Variants in CEP128 observed in about 807,000 individuals in gnomAD.
CEP128 encodes centrosomal protein 128.
A neutral mutation model predicts 156.7 loss-of-function variants in CEP128; 132 were observed. That is an observed-to-expected ratio of 0.84 (90% confidence interval 0.73 to 0.97). The LOEUF (loss-of-function observed/expected upper bound fraction) is 0.97, where lower values mean the gene tolerates loss of function less well. Among genes scored for constraint, CEP128 ranks in the 50% least tolerant of loss-of-function variants. The probability of loss-of-function intolerance (pLI) is 0.00; values close to 1 mark genes in which losing one functional copy is unlikely to be tolerated. For missense variants in CEP128, 1,252 were observed against 1,281.9 expected (o/e 0.98, Z 0.36); for synonymous variants, 469 against 448.9 (o/e 1.04, Z -0.57).
chr14:80,696,087 G>A (rs1350605927), intron 19 of CEP128, among the ~76,000 whole-genome samples: 1 of 152,112 alleles, frequency 6.6e-6, no homozygotes, highest in Non-Finnish European at 1.5e-5. Flanking sequence ...AAACGCGGTA[G>A]AGGAGGTGCA....
intron 21 of CEP128, among the ~76,000 whole-genome samples, chr14:80,537,422 A>C (rs1168192788): frequency 2.6e-5 from 4 of 152,210 alleles, no homozygotes; most frequent in Non-Finnish European, 5.9e-5. Flanking sequence ...TCTTTCCCAG[A>C]GGATTCTTGA....
rs1395819519 is a variant in CEP128 at position 80,807,600 on chromosome 14, G to A, written c.1210-14490C>T. 2.6e-5 allele frequency among the ~76,000 whole-genome samples: 4 copies of A among 152,180 alleles called. 1 individual carries two copies. In the East Asian group the frequency reaches 7.7e-4, roughly 29 times the overall value. ...AAAAAGGGTAAGTGAGAGAACTTCA[G>A]CTGTTCACATTCCCACCACAAACTG... On this transcript the variant is annotated intron_variant, in intron 13 of 24. Coordinates refer to ENST00000555265, the MANE Select transcript of CEP128 (RefSeq NM_152446.5).
chr14:80,618,795 G>A (rs1000077054), intron 19 of CEP128, among the ~76,000 whole-genome samples: 1 of 152,176 alleles, frequency 6.6e-6, no homozygotes, highest in South Asian at 2.1e-4. Flanking sequence ...ATCACTTGGA[G>A]GGCCTGTTAA....
intron 20 of CEP128, among the ~76,000 whole-genome samples, chr14:80,563,412 C>G (rs1890771487): frequency 6.6e-6 from 1 of 151,390 alleles, no homozygotes; most frequent in African/African-American, 2.4e-5. Context: ...TCTAATAAAA[C>G]TTGACATTCT....
rs551603366 is a variant in CEP128, at chr14:80,589,766, T to C, written c.2807-9343A>G. Among the ~76,000 whole-genome samples, 5 of 152,218 alleles carry C rather than the reference T, an allele frequency of 3.3e-5. No homozygotes were observed. In the East Asian group the frequency reaches 9.6e-4, roughly 29 times the overall value. On this transcript the variant is annotated intron_variant, in intron 19 of 24. Coordinates refer to ENST00000555265, the MANE Select transcript of CEP128 (RefSeq NM_152446.5). Reference sequence around the variant, plus strand: ...AGTTTGGTATGTAATACCCCAAGGGTAAGAACTGTTTACCACTATATCCTC... The same window carrying C: ...AGTTTGGTATGTAATACCCCAAGGGCAAGAACTGTTTACCACTATATCCTC...
intron 19 of CEP128, among the ~76,000 whole-genome samples, chr14:80,716,364 T>C (rs888638112): frequency 2.6e-5 from 4 of 152,330 alleles, no homozygotes; most frequent in East Asian, 3.9e-4. Flanking sequence ...ACCCATCACG[T>C]TGACTCTCGT....
At chr14:80,947,824 C>T (rs1886379374) in intron 2 of CEP128, among the ~76,000 whole-genome samples, 1 of 152,172 alleles carries the variant, frequency 6.6e-6, no homozygotes, top group South Asian at 2.1e-4. Context: ...AGTGCCCGGC[C>T]TCCACTCAAG....
intron 19 of CEP128, among the ~76,000 whole-genome samples, chr14:80,634,709 T>C (rs1894110029): frequency 6.6e-6 from 1 of 152,206 alleles, no homozygotes; most frequent in Admixed American, 6.5e-5. Flanking sequence ...CACTTTTCCC[T>C]ATTCTCCTAC....
intron 9 of CEP128, among the ~76,000 whole-genome samples, chr14:80,855,869 T>C (rs1566673169): frequency 1.3e-5 from 2 of 152,072 alleles, no homozygotes. Context: ...TAGAAAAACA[T>C]CCTAGGTTTC....
intron 19 of CEP128, among the ~76,000 whole-genome samples, chr14:80,672,769 T>C (rs370771604): frequency 6.6e-6 from 1 of 152,190 alleles, no homozygotes; most frequent in Non-Finnish European, 1.5e-5. Context: ...ATAACAAATA[T>C]TTATTTTCTA....
At chr14:80,508,152 G>A (rs1338975530) in intron 23 of CEP128, among the ~76,000 whole-genome samples, 1 of 152,112 alleles carries the variant, frequency 6.6e-6, no homozygotes, top group East Asian at 1.9e-4. Context: ...CTGACCTCAG[G>A]TGATCCACCT....
chr14:80,839,092 C>A (rs535592596), intron 10 of CEP128, among the ~76,000 whole-genome samples: 8 of 152,190 alleles, frequency 5.3e-5, no homozygotes, highest in Non-Finnish European at 1.0e-4. Context: ...GAGCGAGACT[C>A]CGTCTCAAAA....
At chr14:80,677,575 A>C (rs1021086490) in intron 19 of CEP128, among the ~76,000 whole-genome samples, 1 of 151,806 alleles carries the variant, frequency 6.6e-6, no homozygotes, top group Non-Finnish European at 1.5e-5. Context: ...AATATAGTAA[A>C]GTTTAGTGGA....
intron 13 of CEP128, among the ~76,000 whole-genome samples, chr14:80,803,379 G>T (rs1883989419): frequency 1.3e-5 from 2 of 151,642 alleles, no homozygotes; most frequent in South Asian, 4.2e-4. Flanking sequence ...ATAGGTAGTG[G>T]CTAAGGAAAC....
At chr14:80,916,635 T>G (rs1030413045) in intron 2 of CEP128, 73 bp from the exon 3 acceptor site, 119 of 1,204,556 alleles carry the variant, frequency 9.9e-5, no homozygotes, top group Admixed American at 1.6e-4. Context: ...TACAACAGTT[T>G]ACTTTTGATC....
chr14:80,871,262 G>T (rs1160887503), intron 8 of CEP128, among the ~76,000 whole-genome samples: 1 of 152,140 alleles, frequency 6.6e-6, no homozygotes, highest in Non-Finnish European at 1.5e-5. Context: ...TTTGCCTGCA[G>T]TGAGAAGCAC....
intron 21 of CEP128, 117 bp from the exon 22 acceptor site, chr14:80,531,003 G>T: frequency 2.1e-6 from 1 of 485,184 alleles, no homozygotes; most frequent in Non-Finnish European, 3.7e-6. Context: ...TGTAGATTTA[G>T]ACAGTCAAAT....
chr14:80,858,873 C>T (rs1267358933), intron 9 of CEP128, among the ~76,000 whole-genome samples: 15 of 152,232 alleles, frequency 9.9e-5, no homozygotes, highest in Admixed American at 8.5e-4. Context: ...GTTAGAATGG[C>T]AATCATTAAA....
intron 23 of CEP128, among the ~76,000 whole-genome samples, chr14:80,507,333 T>C (rs1383135747): frequency 6.6e-6 from 1 of 152,146 alleles, no homozygotes; most frequent in Non-Finnish European, 1.5e-5. Flanking sequence ...CTCGAAGTCA[T>C]TCACTGCAGG....
Sources: gnomAD v4.1 joint callset for allele counts (sites outside exome capture counted in the v4.1 genomes callset) on GRCh38, gnomAD v4.1.1 for gene constraint, MANE v1.5 for transcripts, NCBI Gene and HGNC (gene_info 2026-07-23, HGNC 2026-07-21) for gene names.